The following APBB2 variants were observed in gnomAD, a reference collection of about 807,000 sequenced individuals.
The protein encoded by APBB2 is amyloid beta precursor protein binding family B member 2.
APBB2 carries 38 observed loss-of-function variants against 82.5 expected under a neutral mutation model. The observed-to-expected ratio is 0.46, with a 90% CI of 0.36 to 0.60. The LOEUF is 0.60. Ranked by LOEUF, APBB2 falls within the 20% of genes least tolerant of loss-of-function variation. APBB2 has a pLI of 0.00. For synonymous variants in APBB2, 341 were observed against 368.2 expected, an observed-to-expected ratio of 0.93 and a Z score of 0.85; for missense variants, 772 against 972.3, an observed-to-expected ratio of 0.79 and a Z score of 2.74.
chr4:41,109,614 G>A lies in APBB2; in HGVS notation c.-260-8864C>T, dbSNP rs181922902. Among the ~76,000 whole-genome samples the A allele has an allele frequency of 6.8e-3, 1,038 of 152,228 alleles. 13 individuals are homozygous for A. Among genetic ancestry groups the A allele is most frequent in the African/African-American group, 0.021 (887 of 41,544 alleles). ...GCCTCCCGAGTAGCCGGGATTACAGGCACCCACCACTACACTGGGCTAATT... is the reference window on the plus strand; with the variant it reads ...GCCTCCCGAGTAGCCGGGATTACAGACACCCACCACTACACTGGGCTAATT... On this transcript the variant is annotated intron_variant, in intron 2 of 17. Transcript: ENST00000508593.
At position 40,862,591 on chromosome 4, in the gene APBB2, C is replaced by T. The variant is rs144868561; in HGVS notation, c.1529+27773G>A. ...CCGGGCGGGTCCTAGCCGGGCACCG[C>T]GGCTCACGCCTGTAATCCCAGAACT... On this transcript the variant is annotated intron_variant, in intron 12 of 17. Transcript: ENST00000508593. Among the ~76,000 whole-genome samples the T allele has an allele frequency of 2.9e-3, 442 of 152,284 alleles. 4 individuals are homozygous for T. The highest frequency in any genetic ancestry group is 1.0e-2 in the African/African-American group (415 of 41,564).
intron 10 of APBB2, among the ~76,000 whole-genome samples, chr4:40,918,635 T>G (rs962124763): frequency 6.6e-6 from 1 of 152,174 alleles, no homozygotes; most frequent in Non-Finnish European, 1.5e-5. Context: ...GCAAAGGAGC[T>G]ATGTTTTCCT....
At chr4:40,865,048 G>A (rs1467322604) in intron 12 of APBB2, among the ~76,000 whole-genome samples, 2 of 151,854 alleles carry the variant, frequency 1.3e-5, no homozygotes, top group East Asian at 1.9e-4. Context: ...TAATAGAGAC[G>A]GGTTTTACCA....
intron 7 of APBB2, among the ~76,000 whole-genome samples, chr4:40,939,751 A>C (rs559561984): frequency 6.6e-6 from 1 of 152,150 alleles, no homozygotes; most frequent in Non-Finnish European, 1.5e-5. Context: ...ATGCATCACC[A>C]TGCCAGCTAA....
chr4:41,205,871 C>G (rs939602318), intron 1 of APBB2, among the ~76,000 whole-genome samples: 1 of 152,144 alleles, frequency 6.6e-6, no homozygotes, highest in Non-Finnish European at 1.5e-5. Context: ...ATTCTGTTGT[C>G]AAAGTACAAT....
intron 10 of APBB2, among the ~76,000 whole-genome samples, chr4:40,894,614 G>A (rs1262846397): frequency 6.6e-6 from 1 of 152,220 alleles, no homozygotes; most frequent in Non-Finnish European, 1.5e-5. Flanking sequence ...ATCTTTAAAT[G>A]CTGAAGTGCT....
At chr4:41,068,788 CTTTTTTTT>C (rs71198628) in intron 3 of APBB2, among the ~76,000 whole-genome samples, 2 of 78,376 alleles carry the variant, frequency 2.6e-5, no homozygotes, top group Admixed American at 1.6e-4. Context: ...TACCAACCAT[CTTTTTTTT>C]TTTTTTTTTT....
At chr4:41,094,756 G>A (rs1026104745) in intron 3 of APBB2, among the ~76,000 whole-genome samples, 20 of 152,216 alleles carry the variant, frequency 1.3e-4, no homozygotes, top group Middle Eastern at 6.8e-3. Flanking sequence ...GTAGAGACGG[G>A]GTTTCGCTAT....
At chr4:41,167,692 A>G (rs1458358516) in intron 1 of APBB2, among the ~76,000 whole-genome samples, 2 of 152,196 alleles carry the variant, frequency 1.3e-5, no homozygotes, top group Non-Finnish European at 2.9e-5. Flanking sequence ...TATTCCTTCT[A>G]ATGGTGATAG....
chr4:40,856,599 T>A (rs748069), intron 12 of APBB2, among the ~76,000 whole-genome samples: 21 of 152,250 alleles, frequency 1.4e-4, no homozygotes, highest in African/African-American at 4.8e-4. Context: ...TCAGTCCTAA[T>A]GTAGACAGGA....
chr4:40,953,120 C>A (rs1790654794), intron 6 of APBB2, among the ~76,000 whole-genome samples: 3 of 151,754 alleles, frequency 2.0e-5, no homozygotes, highest in Non-Finnish European at 1.5e-5. Flanking sequence ...CATGGTGAAA[C>A]CCCATCTCTA....
intron 2 of APBB2, among the ~76,000 whole-genome samples, chr4:41,132,160 TA>T (rs1052804637): frequency 1.3e-5 from 2 of 151,672 alleles, no homozygotes; most frequent in Non-Finnish European, 2.9e-5. Flanking sequence ...ATCTACATTG[TA>T]AAAAAAAATT....
At chr4:41,035,247 G>T (rs1206371381) in intron 4 of APBB2, among the ~76,000 whole-genome samples, 1 of 152,126 alleles carries the variant, frequency 6.6e-6, no homozygotes, top group Non-Finnish European at 1.5e-5. Flanking sequence ...TTCCAAACTA[G>T]CAACCTTTAA....
At chr4:40,931,366 C>G (rs998920793) in intron 10 of APBB2, among the ~76,000 whole-genome samples, 1 of 152,142 alleles carries the variant, frequency 6.6e-6, no homozygotes, top group South Asian at 2.1e-4. Context: ...GCGGCCTTTA[C>G]CTCCCAGGCT....
intron 1 of APBB2, among the ~76,000 whole-genome samples, chr4:41,169,419 G>T (rs1007512765): frequency 1.3e-5 from 2 of 149,732 alleles, no homozygotes; most frequent in Middle Eastern, 3.2e-3. Context: ...GCAATTAAAT[G>T]GCCACCTGGA....
intron 12 of APBB2, among the ~76,000 whole-genome samples, chr4:40,834,214 G>T (rs999831264): frequency 6.6e-6 from 1 of 152,056 alleles, no homozygotes; most frequent in Non-Finnish European, 1.5e-5. Context: ...GGGTGAGTCC[G>T]GTAACTAACC....
chr4:41,031,174 A>T (rs1287570064), intron 5 of APBB2, among the ~76,000 whole-genome samples: 1 of 152,182 alleles, frequency 6.6e-6, no homozygotes, highest in African/African-American at 2.4e-5. Context: ...GCAGTGAACC[A>T]AGATTGTGCC....
rs778717489 is a variant in APBB2, at chr4:40,938,095, C to G, written c.1045-2956G>C. On this transcript the variant is annotated intron_variant, in intron 7 of 17. Coordinates refer to ENST00000508593, the MANE Select transcript of APBB2 (RefSeq NM_004307.2). ...GATGGGGAAAGAGGTGGTAACGGAC[C>G]AACAGGGACCATCTTCTATGAGCAA... Among the ~76,000 whole-genome samples, 4 of 152,154 alleles carry G rather than the reference C, an allele frequency of 2.6e-5. No homozygotes were observed. The East Asian group carries it at 7.7e-4, about 29-fold the overall frequency.
At chr4:41,146,772 C>A (rs1760881187) in intron 1 of APBB2, among the ~76,000 whole-genome samples, 1 of 152,140 alleles carries the variant, frequency 6.6e-6, no homozygotes, top group African/African-American at 2.4e-5. Context: ...AACTCAGAAA[C>A]AATCCCTGAA....
Sources: gnomAD v4.1 joint callset for allele counts (sites outside exome capture counted in the v4.1 genomes callset) on GRCh38, gnomAD v4.1.1 for gene constraint, MANE v1.5 for transcripts, NCBI Gene and HGNC (gene_info 2026-07-23, HGNC 2026-07-21) for gene names.